Variants in MMP16 observed in about 807,000 individuals in gnomAD.
MMP16 encodes the protein matrix metallopeptidase 16.
A neutral mutation model predicts 67.8 loss-of-function variants in MMP16; 12 were observed. The ratio of observed to expected loss-of-function variants is 0.18; its 90% CI spans 0.11 to 0.29. The LOEUF (loss-of-function observed/expected upper bound fraction) is 0.29. Ranked by LOEUF, MMP16 falls within the 10% of genes least tolerant of loss-of-function variation. The pLI, the probability that MMP16 is intolerant of heterozygous loss-of-function variation, is 1.00. For missense variants in MMP16, 475 were observed against 765.7 expected (o/e 0.62, Z 4.48); for synonymous variants, 249 against 255.9 (o/e 0.97, Z 0.26).
intron 1 of MMP16, among the ~76,000 whole-genome samples, chr8:88,221,980 T>C (rs1949530): frequency 0.5 from 75,348 of 151,878 alleles, 20,788 homozygotes; most frequent in Non-Finnish European, 0.63. Flanking sequence ...TGTCTTTTTA[T>C]ATACTTGTTC....
chr8:88,049,185 G>C (rs1181922555), intron 8 of MMP16, among the ~76,000 whole-genome samples: 2 of 152,190 alleles, frequency 1.3e-5, no homozygotes, highest in Non-Finnish European at 2.9e-5. Context: ...GAAGCACTGA[G>C]CTGAAAGAAT....
intron 4 of MMP16, among the ~76,000 whole-genome samples, chr8:88,155,336 G>A (rs1253574239): frequency 6.6e-6 from 1 of 152,026 alleles, no homozygotes; most frequent in African/African-American, 2.4e-5. Context: ...AATTTGCATA[G>A]TAGGGGTAAA....
At chr8:88,060,472 T>C (rs1808383775) in intron 7 of MMP16, among the ~76,000 whole-genome samples, 1 of 152,156 alleles carries the variant, frequency 6.6e-6, no homozygotes, top group Admixed American at 6.6e-5. Context: ...GCATTCAGGA[T>C]AAAACCCAAA....
chr8:88,286,292 C>T (rs1052837806), intron 1 of MMP16, among the ~76,000 whole-genome samples: 3 of 152,196 alleles, frequency 2.0e-5, no homozygotes, highest in East Asian at 1.9e-4. Context: ...CTCCTGTCTT[C>T]ATAGTATACT....
intron 1 of MMP16, among the ~76,000 whole-genome samples, chr8:88,295,882 T>A (rs1348591434): frequency 6.6e-6 from 1 of 152,182 alleles, no homozygotes; most frequent in East Asian, 1.9e-4. Flanking sequence ...AAGAACCCTG[T>A]ACTGTGCCAT....
chr8:88,205,258 C>T (rs1291450085), intron 1 of MMP16, among the ~76,000 whole-genome samples: 1 of 152,124 alleles, frequency 6.6e-6, no homozygotes, highest in African/African-American at 2.4e-5. Flanking sequence ...CTGACTGACA[C>T]CAAGCTTGGC....
At chr8:88,131,673 A>C (rs1808032672) in intron 4 of MMP16, among the ~76,000 whole-genome samples, 1 of 151,800 alleles carries the variant, frequency 6.6e-6, no homozygotes, top group Admixed American at 6.6e-5. Flanking sequence ...TACTCATTAA[A>C]AACTACCTTT....
At chr8:88,123,724 T>C (rs1807879593) in intron 4 of MMP16, among the ~76,000 whole-genome samples, 1 of 151,930 alleles carries the variant, frequency 6.6e-6, no homozygotes, top group South Asian at 2.1e-4. Context: ...GAGGCAGAGT[T>C]GGTATTTACA....
chr8:88,195,782 G>T (rs1333995688), intron 2 of MMP16, among the ~76,000 whole-genome samples: 1 of 152,068 alleles, frequency 6.6e-6, no homozygotes, highest in Non-Finnish European at 1.5e-5. Context: ...CCAAGATGTA[G>T]ATCAAAGTTA....
At chr8:88,082,492 T>C (rs1563526444) in intron 6 of MMP16, among the ~76,000 whole-genome samples, 1 of 152,242 alleles carries the variant, frequency 6.6e-6, no homozygotes, top group African/African-American at 2.4e-5. Context: ...TGATATACTA[T>C]AATAGAAGTA....
In MMP16 at chr8:88,312,027, C is replaced by T. The variant is rs191909526; in HGVS notation, c.132+15048G>A. Among the ~76,000 whole-genome samples the T allele has an allele frequency of 9.9e-5, 15 of 152,206 alleles. No homozygotes were observed. The East Asian group carries it at 2.7e-3, about 27-fold the overall frequency. ...TGGTGCCCACTCTTAACTTGAACAC[C>T]CATGTGGTAGGTGATACCAGCACAG... On this transcript the variant is annotated intron_variant, in intron 1 of 9. Transcript: ENST00000286614.
intron 1 of MMP16, among the ~76,000 whole-genome samples, chr8:88,285,134 G>T (rs539044702): frequency 2.0e-5 from 3 of 151,768 alleles, no homozygotes; most frequent in Non-Finnish European, 4.4e-5. Context: ...ATTTGTTTTT[G>T]TTGTTGTTGT....
At chr8:88,126,565 T>G (rs1807934744) in intron 4 of MMP16, among the ~76,000 whole-genome samples, 1 of 151,640 alleles carries the variant, frequency 6.6e-6, no homozygotes, top group African/African-American at 2.4e-5. Flanking sequence ...TCAAGTGTTC[T>G]TGTCACCAGA....
At chr8:88,165,230 G>A (rs1808693483) in intron 4 of MMP16, among the ~76,000 whole-genome samples, 2 of 148,678 alleles carry the variant, frequency 1.3e-5, no homozygotes, top group South Asian at 2.1e-4. Context: ...CTAATAAAGT[G>A]TATAGCTAAA....
chr8:88,148,886 G>C (rs954412176), intron 4 of MMP16, among the ~76,000 whole-genome samples: 1 of 152,198 alleles, frequency 6.6e-6, no homozygotes, highest in Non-Finnish European at 1.5e-5. Flanking sequence ...AACAGCTCCG[G>C]TCTACAGCTC....
chr8:88,062,664 G>A (rs1441157795), intron 7 of MMP16, among the ~76,000 whole-genome samples: 1 of 151,900 alleles, frequency 6.6e-6, no homozygotes, highest in Non-Finnish European at 1.5e-5. Flanking sequence ...TTGTGGGGTG[G>A]GGGGAGTGGG....
chr8:88,313,836 C>T (rs1811336499), intron 1 of MMP16, among the ~76,000 whole-genome samples: 1 of 152,124 alleles, frequency 6.6e-6, no homozygotes, highest in African/African-American at 2.4e-5. Flanking sequence ...ACATGGATGG[C>T]AGCAGGCAAA....
chr8:88,159,946 TG>T (rs200618609), intron 4 of MMP16, among the ~76,000 whole-genome samples: 123 of 151,254 alleles, frequency 8.1e-4, no homozygotes, highest in South Asian at 2.9e-3. Context: ...ATTGATTTGT[TG>T]TTTTTTTTTC....
At chr8:88,269,852 A>G (rs1369938497) in intron 1 of MMP16, among the ~76,000 whole-genome samples, 1 of 152,232 alleles carries the variant, frequency 6.6e-6, no homozygotes, top group Non-Finnish European at 1.5e-5. Flanking sequence ...AAGAAAAACC[A>G]GACAAAACAA....
Sources: allele counts gnomAD v4.1 joint callset (sites outside exome capture counted in the v4.1 genomes callset), GRCh38; gene constraint gnomAD v4.1.1; transcripts MANE v1.5; gene names NCBI Gene and HGNC (gene_info 2026-07-23, HGNC 2026-07-21).